Variants in TRIM66 observed in about 807,000 individuals in gnomAD.
TRIM66 encodes the protein tripartite motif containing 66, also known as tripartite motif-containing protein 66.
In TRIM66, 99 loss-of-function variants were observed where a neutral mutation model predicts 148.2. The observed-to-expected ratio is 0.67, with a 90% confidence interval of 0.57 to 0.79. TRIM66 has a LOEUF of 0.79. Among genes scored for constraint, TRIM66 ranks in the 30% least tolerant of loss-of-function variants. The pLI, the probability that TRIM66 is intolerant of heterozygous loss-of-function variation, is 0.00. For missense variants in TRIM66, 1,666 were observed against 1,697.9 expected, an observed-to-expected ratio of 0.98 and a Z score of 0.33; for synonymous variants, 616 against 635.9, an observed-to-expected ratio of 0.97 and a Z score of 0.47.
rs764703131 is a variant in TRIM66 at position 8,624,965 on chromosome 11, G to A, written c.2574C>T (p.Ser858=). 1 of 1,551,632 alleles carries A rather than the reference G, an allele frequency of 6.4e-7. No homozygotes were observed. The highest frequency in any genetic ancestry group is 1.4e-5 in the African/African-American group (1 of 73,056). Residue 858 remains serine, a synonymous_variant, in exon 16 of 25, where the codon TCC becomes TCT. Transcript: ENST00000646038. ...VPSLVHSTFQ[S]MPNLISDSPQ... Reference sequence around the variant, plus strand: ...GGGAGTCACTTATCAGGTTGGGCATGGACTGGAATGTGCTATGCACAAGGC... The same window carrying A: ...GGGAGTCACTTATCAGGTTGGGCATAGACTGGAATGTGCTATGCACAAGGC...
In TRIM66 at chr11:8,672,305, T is replaced by C. The variant is rs1349976713; in HGVS notation, c.-31A>G. 1.3e-6 allele frequency: 2 copies of C among 1,536,092 alleles called. No individual in the cohort carries two copies. Among genetic ancestry groups the C allele is most frequent in the South Asian group, 1.2e-5 (1 of 84,062 alleles). ...CCGTGGAAAACAAAGCGTGGAGGTG[T>C]CTGCTGTTTGTCTGAAGGCGAACAA... On this transcript the variant is annotated 5_prime_UTR_variant, in exon 5 of 25. Transcript: ENST00000646038.
At position 8,640,739 on chromosome 11, in the gene TRIM66, G is replaced by C. The variant is rs368260403; in HGVS notation, c.1636C>G (p.Arg546Gly). 7 of 1,551,448 alleles carry C rather than the reference G, an allele frequency of 4.5e-6. No individual in the cohort carries two copies. Among genetic ancestry groups the C allele is most frequent in the Admixed American group, 2.0e-5 (1 of 51,004 alleles). The change falls in exon 14 of 25, where the codon CGG (arginine) becomes GGG (glycine). Residue 546 changes from arginine to glycine, a missense_variant. Arg to Gly is a moderately radical substitution (Grantham distance 125). This residue lies in a region of TRIM66 where 1,431 missense variants were observed against 1,412.4 expected (regional missense o/e 1.01). Coordinates refer to ENST00000646038, the MANE Select transcript of TRIM66 (RefSeq NM_001388022.1). ...TGGGAAGTCAGCTGCTGCCCCAGCC[G>C]CTGGGATGTGCTCTCCTGCTCCACG... ...PPVEQESTSQ[R>G]LGQQLTSQPV...
At chr11:8,682,796 T>G (rs769430463), upstream of TRIM66, 4 of 1,613,490 alleles carry the variant, frequency 2.5e-6, no homozygotes, top group Non-Finnish European at 3.4e-6. Flanking sequence ...GCCTTCCTTT[T>G]TCGTCTGGGC....
Position 8,622,972 on chromosome 11 carries a change from G to T in TRIM66, c.3020-96C>A, listed in dbSNP as rs764727405. 4 of 1,098,164 alleles carry T rather than the reference G, an allele frequency of 3.6e-6. No individual in the cohort carries two copies. In the East Asian group the frequency reaches 1.0e-4, roughly 28 times the overall value. 68.0% of individuals were successfully genotyped at this position (1,098,164 alleles called of 1,614,324 possible). On this transcript the variant is annotated intron_variant, in intron 17 of 24. Transcript: ENST00000646038. ...ACTTATATCTGCTATTCATACCTTT[G>T]GCCACACATCTGTCATACAGTAGTT... is the stretch of plus-strand genomic sequence containing the variant.
chr11:8,668,690 A>G lies in TRIM66; in HGVS notation c.340+3096T>C, dbSNP rs971198775. ...AATCTCCGCCTCCCGGGTTCACACC[A>G]TTGTCCTGCCTCAGCCTCCCGAGTA... is the stretch of plus-strand genomic sequence containing the variant. On this transcript the variant is annotated intron_variant, in intron 6 of 24. Transcript: ENST00000646038. Among the ~76,000 whole-genome samples, 4 of 151,424 alleles carry G rather than the reference A, an allele frequency of 2.6e-5. 1 individual carries two copies.
In TRIM66 at chr11:8,618,983, G is replaced by C. The variant is rs1458782017; in HGVS notation, c.3901-15C>G. Reference sequence around the variant, plus strand: ...TCGGAGTCAGGCTGATGGGGGAGGAGAGCAGTGATGGTCTAGCCTGTTTCT... The same window carrying C: ...TCGGAGTCAGGCTGATGGGGGAGGACAGCAGTGATGGTCTAGCCTGTTTCT... On this transcript the variant is annotated splice_polypyrimidine_tract_variant and intron_variant, in intron 23 of 24. Coordinates refer to ENST00000646038, the MANE Select transcript of TRIM66 (RefSeq NM_001388022.1). 3 of 1,548,802 alleles carry C rather than the reference G, an allele frequency of 1.9e-6. No individual in the cohort carries two copies. Among genetic ancestry groups the C allele is most frequent in the Middle Eastern group, 1.7e-4 (1 of 5,988 alleles).
chr11:8,640,093 GT>G (rs2036230833), intron 14 of TRIM66, 133 bp downstream of exon 14: 2 of 892,416 alleles, frequency 2.2e-6, no homozygotes, highest in Non-Finnish European at 1.7e-6. Flanking sequence ...GTTTTGAAAT[GT>G]GAGGGCTGAG....
upstream of TRIM66, chr11:8,682,766 C>A (rs200556308): frequency 1.2e-4 from 199 of 1,613,562 alleles, no homozygotes; most frequent in African/African-American, 2.4e-3. Context: ...GTGGCCGATA[C>A]CTCGCGAGAC....
At chr11:8,683,027 C>T, upstream of TRIM66, 5 of 835,414 alleles carry the variant, frequency 6.0e-6, no homozygotes, top group South Asian at 3.4e-5. Context: ...ACACGCGGGC[C>T]CCTGCGCTAC....
intron 6 of TRIM66, among the ~76,000 whole-genome samples, chr11:8,667,043 C>G (rs2038646467): frequency 6.6e-6 from 1 of 152,100 alleles, no homozygotes; most frequent in African/African-American, 2.4e-5. Context: ...CTGGTCTTCT[C>G]CTGACCTCAG....
chr11:8,663,815 G>C (rs1218384213), intron 6 of TRIM66, among the ~76,000 whole-genome samples: 2 of 152,104 alleles, frequency 1.3e-5, no homozygotes, highest in Non-Finnish European at 2.9e-5. Context: ...AGGAAAACCT[G>C]TCATTTGTGA....
chr11:8,643,533 G>A (rs1200131175), intron 12 of TRIM66, among the ~76,000 whole-genome samples: 2 of 151,932 alleles, frequency 1.3e-5, no homozygotes, highest in Non-Finnish European at 2.9e-5. Context: ...TAGTAGAGAC[G>A]GGGTTTCACT....
At chr11:8,624,273 G>T in intron 17 of TRIM66, 86 bp downstream of exon 17, 1 of 1,422,406 alleles carries the variant, frequency 7.0e-7, no homozygotes, top group Non-Finnish European at 9.5e-7. Context: ...CTTAGAGCTT[G>T]TCTGCTGGCC....
rs146920368 is a variant in TRIM66, at chr11:8,671,743, T to G, written c.340+43A>C. On this transcript the variant is annotated intron_variant, in intron 6 of 24. Coordinates refer to ENST00000646038, the MANE Select transcript of TRIM66 (RefSeq NM_001388022.1). ...AGTTCCTATGAAACAGGAAGAGACC[T>G]GTTATGTAGTGGGAGGTGAACTTGT... 1,126 of 858,454 alleles carry G rather than the reference T, an allele frequency of 1.3e-3. 10 individuals are homozygous for G. In the African/African-American group the frequency reaches 0.016, roughly 12 times the overall value. The allele number at this position is 858,454 out of a possible 1,614,324, so 53.2% of individuals were successfully genotyped here.
rs893430401 is a variant in TRIM66, at chr11:8,615,095, A to C, written c.*2849T>G. On this transcript the variant is annotated 3_prime_UTR_variant, in exon 25 of 25. Transcript: ENST00000646038. The stretch of plus-strand genomic sequence containing the variant: ...AGGCATGTGCCATCACACCTGGCTG[A>C]TATTTGTATTTTTAGTAGAGACAGG... 1 of 152,196 alleles carries C rather than the reference A, an allele frequency of 6.6e-6. No homozygotes were observed. The highest frequency in any genetic ancestry group is 2.4e-5 in the African/African-American group (1 of 41,426). 9.4% of individuals were successfully genotyped at this position (152,196 alleles called of 1,614,324 possible).
At chr11:8,672,412 GA>G (rs1173736669) in intron 4 of TRIM66, 27 bp from the exon 5 acceptor site, 1 of 1,483,732 alleles carries the variant, frequency 6.7e-7, no homozygotes, top group Non-Finnish European at 8.9e-7. Flanking sequence ...GAAAAAGGAA[GA>G]AAATTGCATT....
intron 6 of TRIM66, among the ~76,000 whole-genome samples, chr11:8,662,061 CTG>C (rs1312687857): frequency 2.6e-5 from 4 of 152,216 alleles, no homozygotes; most frequent in African/African-American, 9.6e-5. Context: ...GGCGAGGAAA[CTG>C]TTCGTGAACT....
At chr11:8,658,618 A>G in intron 6 of TRIM66, 1 of 296,076 alleles carries the variant, frequency 3.4e-6, no homozygotes, top group Non-Finnish European at 5.0e-6. Context: ...CAAAATAGCA[A>G]TCCAGAATGG....
Position 8,624,719 on chromosome 11 carries a change from C to T in TRIM66, c.2820G>A (p.Leu940=), listed in dbSNP as rs1457859279. Reference sequence around the variant, plus strand: ...GCATTTCCCCAGGACTTACCTTACACAGAGCATTCTCCAGGGAGGGATCAG... The same window carrying T: ...GCATTTCCCCAGGACTTACCTTACATAGAGCATTCTCCAGGGAGGGATCAG... The part of the protein sequence containing the change: ...DGADPSLENA[L]CKMESEDSTR... Residue 940 remains leucine (L), a synonymous_variant, in exon 16 of 25, where the codon CTG becomes CTA. Transcript: ENST00000646038. The T allele has an allele frequency of 5.3e-6, 8 of 1,518,964 alleles. No homozygotes were observed. The highest frequency in any genetic ancestry group is 7.1e-6 in the Non-Finnish European group (8 of 1,128,900). The allele number at this position is 1,518,964 out of a possible 1,614,324, so 94.1% of individuals were successfully genotyped here. A position where few individuals can be genotyped will look rare whatever the true frequency, so the allele number is the denominator to read the frequency against.
Sources: allele counts gnomAD v4.1 joint callset (sites outside exome capture counted in the v4.1 genomes callset), GRCh38; gene constraint gnomAD v4.1.1; regional missense constraint gnomAD v4.1.1; transcripts MANE v1.5; gene names NCBI Gene and HGNC (gene_info 2026-07-23, HGNC 2026-07-21).